The following FBXO17 variants were observed in gnomAD, a reference collection of about 807,000 sequenced individuals.
FBXO17 encodes the protein F-box protein 17, also known as F-box only protein 17.
In FBXO17, 43 loss-of-function variants were observed where a neutral mutation model predicts 34.1. The ratio of observed to expected loss-of-function variants is 1.26; its 90% CI spans 0.99 to 1.62. The LOEUF (loss-of-function observed/expected upper bound fraction) is 1.62, where lower values mean the gene tolerates loss of function less well. Among genes scored for constraint, FBXO17 ranks in the 40% most tolerant of loss-of-function variants. The pLI, the probability that FBXO17 is intolerant of heterozygous loss-of-function variation, is 0.00. For missense variants in FBXO17, 424 were observed against 386.7 expected, an observed-to-expected ratio of 1.10 and a Z score of -0.81; for synonymous variants, 169 against 166.0, an observed-to-expected ratio of 1.02 and a Z score of -0.14.
At chr19:38,951,944 C>T (rs1013860843) in intron 1 of FBXO17, among the ~76,000 whole-genome samples, 14 of 150,654 alleles carry the variant, frequency 9.3e-5, no homozygotes, top group African/African-American at 3.4e-4. Flanking sequence ...CCACCACGCT[C>T]GGCCCGAGTT....
Position 38,950,201 on chromosome 19 carries a change from G to A in FBXO17, c.119C>T (p.Thr40Met). 6.4e-7 allele frequency: 1 copy of A among 1,553,638 alleles called. No homozygotes were observed. The highest frequency in any genetic ancestry group is 1.4e-5 in the African/African-American group (1 of 73,058). The change falls in exon 2 of 6, where the codon ACG becomes ATG. Residue 40 changes from threonine to methionine, a missense_variant. By Grantham distance (81) the Thr-to-Met change is moderately conservative. Transcript: ENST00000292852. ...GGCGCGGCACACTGGGCGGCATCGC[G>A]TGACCAAGGAGCGTGGCGGCACGTG... ...LSHVPPRSLV[T>M]RCRPVCRAWR...
intron 5 of FBXO17, among the ~76,000 whole-genome samples, chr19:38,944,075 A>G (rs910225702): frequency 1.3e-5 from 2 of 152,182 alleles, no homozygotes; most frequent in Middle Eastern, 3.4e-3. Context: ...CATTTCATAT[A>G]TGTGGAATCA....
At chr19:38,965,964 ATTT>A (rs1031120599) in intron 1 of FBXO17, among the ~76,000 whole-genome samples, 3 of 150,426 alleles carry the variant, frequency 2.0e-5, no homozygotes, top group Non-Finnish European at 4.4e-5. Context: ...TTATTTATTT[ATTT>A]TTATTTATTT....
intron 5 of FBXO17, among the ~76,000 whole-genome samples, chr19:38,943,463 G>T (rs916675763): frequency 6.6e-6 from 1 of 151,532 alleles, no homozygotes; most frequent in African/African-American, 2.4e-5. Flanking sequence ...TAGTAGAGAC[G>T]GGGGTTTTGC....
chr19:38,954,642 C>T (rs544881514), intron 1 of FBXO17, among the ~76,000 whole-genome samples: 88 of 144,066 alleles, frequency 6.1e-4, no homozygotes, highest in African/African-American at 2.1e-3. Context: ...TGCAGTGGCG[C>T]GATCTCAGCT....
chr19:38,956,696 C>A (rs1395967032), intron 1 of FBXO17, among the ~76,000 whole-genome samples: 1 of 151,982 alleles, frequency 6.6e-6, no homozygotes, highest in Non-Finnish European at 1.5e-5. Flanking sequence ...GCCTGGCCAA[C>A]ATGGTGAAAC....
chr19:38,954,752 A>T, intron 1 of FBXO17, among the ~76,000 whole-genome samples: 1 of 143,978 alleles, frequency 6.9e-6, no homozygotes, highest in East Asian at 2.1e-4. Flanking sequence ...GCTAATTTTT[A>T]TATTTTTAGT....
intron 1 of FBXO17, among the ~76,000 whole-genome samples, chr19:38,961,783 C>T (rs1291733215): frequency 2.0e-5 from 3 of 151,998 alleles, no homozygotes; most frequent in Non-Finnish European, 4.4e-5. Context: ...CTACTTCAGC[C>T]TCCGGAGTAG....
At chr19:38,958,942 C>T (rs543701680) in intron 1 of FBXO17, among the ~76,000 whole-genome samples, 7 of 152,202 alleles carry the variant, frequency 4.6e-5, no homozygotes, top group Non-Finnish European at 8.8e-5. Context: ...CTCACTCTGT[C>T]GCCTGGTTGG....
intron 1 of FBXO17, among the ~76,000 whole-genome samples, chr19:38,962,927 G>A (rs768498798): frequency 1.3e-4 from 20 of 151,946 alleles, no homozygotes; most frequent in Admixed American, 1.3e-4. Context: ...GGCCAGGATG[G>A]TCTCGATCTC....
intron 1 of FBXO17, among the ~76,000 whole-genome samples, chr19:38,964,118 G>T (rs544929946): frequency 2.6e-5 from 4 of 152,150 alleles, no homozygotes; most frequent in African/African-American, 7.2e-5. Context: ...CTTAGGAGTA[G>T]AATTTTTGAG....
chr19:38,944,544 G>C (rs975958828), intron 5 of FBXO17, among the ~76,000 whole-genome samples: 1 of 152,138 alleles, frequency 6.6e-6, no homozygotes, highest in Non-Finnish European at 1.5e-5. Context: ...GTGCCCAGCC[G>C]AAACATTTAC....
At chr19:38,973,945 T>C (rs928116302) in intron 1 of FBXO17, among the ~76,000 whole-genome samples, 3 of 151,316 alleles carry the variant, frequency 2.0e-5, no homozygotes, top group African/African-American at 7.3e-5. Context: ...ATTACGACAC[T>C]GTACTCCAGC....
chr19:38,945,166 C>T (rs576694229), intron 4 of FBXO17, 62 bp from the exon 5 acceptor site: 222 of 1,599,282 alleles, frequency 1.4e-4, no homozygotes, highest in Non-Finnish European at 1.8e-4. Context: ...GGTTTCGGGG[C>T]GGGAGGCTGA....
rs377134654 is a variant in FBXO17 at position 38,946,459 on chromosome 19, G to A, written c.557+13C>T. 8.1e-6 allele frequency: 13 copies of A among 1,613,680 alleles called. No individual in the cohort carries two copies. The highest frequency in any genetic ancestry group is 6.7e-5 in the Admixed American group (4 of 59,960). ...TGCTGCTGCTCTGGGGCAGGGTGCC[G>A]CTCCTCACTCACCAGTCAGCCACAC... On this transcript the variant is annotated intron_variant, in intron 4 of 5. Coordinates refer to ENST00000292852, the MANE Select transcript of FBXO17 (RefSeq NM_024907.7).
chr19:38,963,763 G>A (rs1975284284), intron 1 of FBXO17, among the ~76,000 whole-genome samples: 1 of 151,122 alleles, frequency 6.6e-6, no homozygotes, highest in Admixed American at 6.7e-5. Context: ...ATGTACAAGT[G>A]TTTGTGTGGA....
intron 2 of FBXO17, 46 bp from the exon 3 acceptor site, chr19:38,948,724 C>A: frequency 6.4e-7 from 1 of 1,555,878 alleles, no homozygotes. Flanking sequence ...TGCCAGCCTG[C>A]CCAGAAGAGA....
chr19:38,969,915 T>C (rs1001753877), intron 1 of FBXO17, among the ~76,000 whole-genome samples: 9 of 151,826 alleles, frequency 5.9e-5, no homozygotes, highest in African/African-American at 1.7e-4. Context: ...CATTTTTTAC[T>C]GAAGTAAAAA....
At chr19:38,968,064 G>A (rs117728691) in intron 1 of FBXO17, among the ~76,000 whole-genome samples, 2,317 of 152,136 alleles carry the variant, frequency 0.015, 34 homozygotes, top group Middle Eastern at 0.054. Context: ...GGCCAGGCTC[G>A]GTGGCTCATA....
Sources: allele counts gnomAD v4.1 joint callset (sites outside exome capture counted in the v4.1 genomes callset), GRCh38; gene constraint gnomAD v4.1.1; transcripts MANE v1.5; gene names NCBI Gene and HGNC (gene_info 2026-07-23, HGNC 2026-07-21).